Variants in CCNH observed in about 807,000 individuals in gnomAD.
CCNH encodes the protein cyclin H.
A neutral mutation model predicts 41.9 loss-of-function variants in CCNH; 31 were observed. The observed-to-expected ratio is 0.74, with a 90% CI of 0.56 to 1.00. The LOEUF is 1.00. Ranked by LOEUF, CCNH falls within the 50% of genes least tolerant of loss-of-function variation. The pLI is 0.00. For missense variants in CCNH, 362 were observed against 388.4 expected, an observed-to-expected ratio of 0.93 and a Z score of 0.57; for synonymous variants, 138 against 136.1, an observed-to-expected ratio of 1.01 and a Z score of -0.10.
chr5:87,331,247 C>A, intron 9 of CCNH: 1 of 1,223,136 alleles, frequency 8.2e-7, no homozygotes, highest in Non-Finnish European at 1.2e-6. Flanking sequence ...GTTTAAGTTA[C>A]ATGTAGGCAT....
chr5:87,349,190 A>G (rs1759082170), intron 9 of CCNH: 1 of 1,610,166 alleles, frequency 6.2e-7, no homozygotes, highest in Middle Eastern at 1.7e-4. Flanking sequence ...AATTAGGGAA[A>G]AACTAACAGC....
At chr5:87,338,534 A>ATATATATATATATATATATATATATATAT (rs1561292504) in intron 9 of CCNH, among the ~76,000 whole-genome samples, 1 of 46,094 alleles carries the variant, frequency 2.2e-5, no homozygotes, top group Non-Finnish European at 4.7e-5. Context: ...TATATATATA[A>ATATATATATATATATATATATATATATAT]AATTTTTTTT....
chr5:87,328,874 CAAATCTTGT>C (rs1757415939), intron 9 of CCNH, among the ~76,000 whole-genome samples: 1 of 152,090 alleles, frequency 6.6e-6, no homozygotes, highest in Admixed American at 6.5e-5. Context: ...GTGTCTGAAT[CAAATCTTGT>C]AACATTGGAT....
intron 9 of CCNH, among the ~76,000 whole-genome samples, chr5:87,327,579 A>G (rs1415901022): frequency 1.3e-5 from 2 of 152,106 alleles, no homozygotes; most frequent in Non-Finnish European, 2.9e-5. Flanking sequence ...GCTAGTATGC[A>G]TTGTCTCTTT....
At position 87,408,088 on chromosome 5, in the gene CCNH, T is replaced by C. The variant is rs2266691; in HGVS notation, c.413A>G (p.Lys138Arg). ...ATATTCCAGTATCTGTTCAAGTGCC[T>C]TCTCCTGTCCAAGAGGACTCTCCCG... Reference protein sequence around the residue: ...NLRESPLGQEKALEQILEYEL... With the variant: ...NLRESPLGQERALEQILEYEL... The change falls in exon 4 of 9, where the codon AAG becomes AGG. Residue 138 changes from lysine (K) to arginine (R), a missense_variant. Coordinates refer to ENST00000256897, the MANE Select transcript of CCNH (RefSeq NM_001239.4). 4.3e-3 allele frequency: 6,944 copies of C among 1,613,060 alleles called. 249 individuals are homozygous for C. The African/African-American group carries it at 0.077, about 18-fold the overall frequency.
downstream of CCNH, chr5:87,372,239 C>G (rs373237895): frequency 2.1e-4 from 332 of 1,546,970 alleles, no homozygotes; most frequent in Admixed American, 6.0e-4. Context: ...ACATTTTGCT[C>G]TAACACTTTG....
At chr5:87,375,990 C>T, downstream of CCNH, among the ~76,000 whole-genome samples, 1 of 152,170 alleles carries the variant, frequency 6.6e-6, no homozygotes. Flanking sequence ...AGCTACACCT[C>T]TAGATCTCGT....
chr5:87,408,017 TGTGGACAATAAG>T lies in CCNH; in HGVS notation c.472_483del (p.Leu158_His161del), dbSNP rs1763925642. On this transcript the variant is annotated inframe_deletion, in exon 4 of 9. Transcript: ENST00000256897. ...AAGCCCTCAAATGGTCTGTAAGGAT[TGTGGACAATAAG>T]GTGGAAATTAAGTTGCTGTATAAGA... is the stretch of plus-strand genomic sequence containing the variant. The T allele has an allele frequency of 1.2e-6, 2 of 1,613,736 alleles. No homozygotes were observed. The highest frequency in any genetic ancestry group is 3.3e-5 in the Admixed American group (2 of 59,998).
At chr5:87,381,458 T>C (rs1206827088), upstream of CCNH, among the ~76,000 whole-genome samples, 1 of 152,240 alleles carries the variant, frequency 6.6e-6, no homozygotes, top group Non-Finnish European at 1.5e-5. Flanking sequence ...ATTTAGAATA[T>C]ACACTGTCAT....
exon 1 of CCNH, chr5:87,376,652 T>A: frequency 1.4e-6 from 2 of 1,474,884 alleles, no homozygotes; most frequent in Non-Finnish European, 9.4e-7. Context: ...GTAAACATAG[T>A]AATTCATAGC....
downstream of CCNH, among the ~76,000 whole-genome samples, chr5:87,313,456 T>TAA (rs1162839042): frequency 1.3e-5 from 2 of 152,220 alleles, no homozygotes. Flanking sequence ...TTTGGCTAGA[T>TAA]ACGTGGATTT....
chr5:87,348,753 C>G (rs1276438471), intron 9 of CCNH, among the ~76,000 whole-genome samples: 1 of 151,670 alleles, frequency 6.6e-6, no homozygotes, highest in Non-Finnish European at 1.5e-5. Context: ...ACCACTGTGC[C>G]TAGCACAGTC....
intron 7 of CCNH, among the ~76,000 whole-genome samples, chr5:87,395,643 C>T (rs1016361602): frequency 9.9e-5 from 15 of 152,156 alleles, no homozygotes; most frequent in African/African-American, 3.4e-4. Context: ...GAGGCCGAGG[C>T]GTCAGATCGC....
chr5:87,404,087 G>C (rs1256469927), intron 5 of CCNH, among the ~76,000 whole-genome samples: 2 of 152,194 alleles, frequency 1.3e-5, no homozygotes, highest in African/African-American at 2.4e-5. Context: ...CCTAGATGCA[G>C]ATGTGTTGCG....
intron 9 of CCNH, among the ~76,000 whole-genome samples, chr5:87,358,670 T>C (rs559163855): frequency 1.3e-5 from 2 of 152,318 alleles, no homozygotes; most frequent in South Asian, 4.1e-4. Flanking sequence ...GTTCTCCATT[T>C]CTTTCAGAAT....
intron 9 of CCNH, among the ~76,000 whole-genome samples, chr5:87,331,872 A>G (rs1757624418): frequency 6.6e-6 from 1 of 152,182 alleles, no homozygotes; most frequent in Non-Finnish European, 1.5e-5. Context: ...CCTTTATTTT[A>G]GCTTCACTAT....
intron 9 of CCNH, among the ~76,000 whole-genome samples, chr5:87,385,870 T>C (rs1762028935): frequency 6.6e-6 from 1 of 152,054 alleles, no homozygotes; most frequent in South Asian, 2.1e-4. Context: ...TAGATAACTC[T>C]TTCACTATTC....
chr5:87,347,683 T>C (rs1758960226), intron 9 of CCNH, among the ~76,000 whole-genome samples: 1 of 152,012 alleles, frequency 6.6e-6, no homozygotes. Context: ...CTCAATTTTA[T>C]TGTGAAGCTG....
At chr5:87,380,572 C>G, upstream of CCNH, 4 of 1,612,698 alleles carry the variant, frequency 2.5e-6, no homozygotes, top group Non-Finnish European at 3.4e-6. Context: ...CTACAAATAC[C>G]ACCATGAGAA....
Sources: gnomAD v4.1 joint callset for allele counts (sites outside exome capture counted in the v4.1 genomes callset) on GRCh38, gnomAD v4.1.1 for gene constraint, MANE v1.5 for transcripts, NCBI Gene and HGNC (gene_info 2026-07-23, HGNC 2026-07-21) for gene names.